Variants in JAZF1 observed in about 807,000 individuals in gnomAD.
JAZF1 encodes JAZF zinc finger 1.
In JAZF1, 8 loss-of-function variants were observed where a neutral mutation model predicts 26.4. The observed-to-expected ratio is 0.30, with a 90% confidence interval of 0.18 to 0.55. The LOEUF (loss-of-function observed/expected upper bound fraction) is 0.55. JAZF1 is among the 20% of genes least tolerant of loss of function. The pLI is 0.94. For missense variants in JAZF1, 199 were observed against 322.0 expected, an observed-to-expected ratio of 0.62 and a Z score of 2.92; for synonymous variants, 126 against 122.3, an observed-to-expected ratio of 1.03 and a Z score of -0.20.
At chr7:27,983,815 G>C (rs993965190) in intron 2 of JAZF1, among the ~76,000 whole-genome samples, 1 of 152,170 alleles carries the variant, frequency 6.6e-6, no homozygotes, top group Non-Finnish European at 1.5e-5. Flanking sequence ...TAAAGAAAAG[G>C]ATTTTCAACC....
intron 1 of JAZF1, among the ~76,000 whole-genome samples, chr7:28,018,272 G>A (rs1782932837): frequency 6.6e-6 from 1 of 152,184 alleles, no homozygotes; most frequent in African/African-American, 2.4e-5. Context: ...CTGGGTGCAT[G>A]GTCACAGAAT....
intron 1 of JAZF1, among the ~76,000 whole-genome samples, chr7:28,020,975 T>A (rs991951877): frequency 6.6e-6 from 1 of 152,186 alleles, no homozygotes; most frequent in African/African-American, 2.4e-5. Flanking sequence ...TTCACAACCA[T>A]ACCCCGGAGC....
intron 1 of JAZF1, among the ~76,000 whole-genome samples, chr7:28,173,653 T>C (rs1425328512): frequency 6.6e-6 from 1 of 152,060 alleles, no homozygotes; most frequent in Non-Finnish European, 1.5e-5. Context: ...GTCACCATTG[T>C]AGTCTGGCAG....
intron 1 of JAZF1, among the ~76,000 whole-genome samples, chr7:28,147,094 C>T (rs1009497342): frequency 6.6e-6 from 1 of 151,986 alleles, no homozygotes; most frequent in Non-Finnish European, 1.5e-5. Flanking sequence ...TGACCTCACA[C>T]CTCGGCCTCC....
At chr7:28,056,121 T>C (rs1263556724) in intron 1 of JAZF1, among the ~76,000 whole-genome samples, 2 of 151,742 alleles carry the variant, frequency 1.3e-5, no homozygotes, top group African/African-American at 4.9e-5. Flanking sequence ...GTGCAGGGGC[T>C]CCATAAATAT....
chr7:27,991,599 C>G (rs1211667139), intron 2 of JAZF1, among the ~76,000 whole-genome samples: 1 of 152,104 alleles, frequency 6.6e-6, no homozygotes, highest in Non-Finnish European at 1.5e-5. Flanking sequence ...AAGGTTCACT[C>G]GAACATAAAT....
chr7:28,042,689 T>C (rs1197659826), intron 1 of JAZF1, among the ~76,000 whole-genome samples: 1 of 152,086 alleles, frequency 6.6e-6, no homozygotes, highest in Admixed American at 6.5e-5. Flanking sequence ...TCCCATAAGG[T>C]TGTAATGCTG....
chr7:27,956,992 T>C (rs536108033), intron 2 of JAZF1, among the ~76,000 whole-genome samples: 7 of 152,218 alleles, frequency 4.6e-5, no homozygotes, highest in Non-Finnish European at 1.0e-4. Context: ...AAATGAAGTG[T>C]GGTACCTCAT....
chr7:27,920,424 A>C (rs374154096), intron 2 of JAZF1, among the ~76,000 whole-genome samples: 1 of 152,216 alleles, frequency 6.6e-6, no homozygotes, highest in South Asian at 2.1e-4. Context: ...TAGGTTTTGC[A>C]CATTCCATAA....
chr7:28,091,280 T>C (rs1260103424), intron 1 of JAZF1, among the ~76,000 whole-genome samples: 1 of 152,086 alleles, frequency 6.6e-6, no homozygotes, highest in Non-Finnish European at 1.5e-5. Flanking sequence ...ATGTCTCAAC[T>C]AGAAGTCCAT....
chr7:28,000,072 A>G (rs1021309433), intron 1 of JAZF1, among the ~76,000 whole-genome samples: 12 of 152,214 alleles, frequency 7.9e-5, no homozygotes, highest in Admixed American at 3.3e-4. Flanking sequence ...GGGAAACCTA[A>G]GAACAGCATA....
In JAZF1 at chr7:28,053,853, C is replaced by T. The variant is rs182569311; in HGVS notation, c.116-61872G>A. On this transcript the variant is annotated intron_variant, in intron 1 of 4. Coordinates refer to ENST00000283928, the MANE Select transcript of JAZF1 (RefSeq NM_175061.4). ...TGCTAGAGGGCCTCACAGGACCCTT[C>T]CATCCTCACCTTTCCCACCCCACCT... is the stretch of plus-strand genomic sequence containing the variant. Among the ~76,000 whole-genome samples the T allele has an allele frequency of 3.9e-5, 6 of 152,258 alleles. No homozygotes were observed. In the East Asian group the frequency reaches 7.7e-4, roughly 20 times the overall value.
Position 27,832,759 on chromosome 7 carries a change from A to C in JAZF1, c.*41T>G. 7.1e-7 allele frequency: 1 copy of C among 1,408,086 alleles called. No homozygotes were observed. The highest frequency in any genetic ancestry group is 9.4e-7 in the Non-Finnish European group (1 of 1,068,364). The allele number at this position is 1,408,086 out of a possible 1,614,324, so 87.2% of individuals were successfully genotyped here. A position where few individuals can be genotyped will look rare whatever the true frequency, so the allele number is the denominator to read the frequency against. ...AAGGTGGCTGTTTTCAAAATCAGCAACTGCTGGTGAGGATTTCTTGGCACA... is the reference window on the plus strand; with the variant it reads ...AAGGTGGCTGTTTTCAAAATCAGCACCTGCTGGTGAGGATTTCTTGGCACA... On this transcript the variant is annotated 3_prime_UTR_variant, in exon 5 of 5. Transcript: ENST00000283928.
In JAZF1 at chr7:27,854,508, A is replaced by G. The variant is rs372957156; in HGVS notation, c.386-13641T>C. On this transcript the variant is annotated intron_variant, in intron 3 of 4. Coordinates refer to ENST00000283928, the MANE Select transcript of JAZF1 (RefSeq NM_175061.4). Reference sequence around the variant, plus strand: ...GTATTTTTTTGCAGTGGCTGGTAATAGTTTTTCCTTCCTGTATTTAGTGCT... The same window carrying G: ...GTATTTTTTTGCAGTGGCTGGTAATGGTTTTTCCTTCCTGTATTTAGTGCT... Among the ~76,000 whole-genome samples, 555 of 152,286 alleles carry G rather than the reference A, an allele frequency of 3.6e-3. 2 individuals are homozygous for G. The highest frequency in any genetic ancestry group is 6.0e-3 in the Non-Finnish European group (406 of 68,032).
At chr7:27,846,737 C>T (rs1783038882) in intron 3 of JAZF1, among the ~76,000 whole-genome samples, 1 of 152,046 alleles carries the variant, frequency 6.6e-6, no homozygotes, top group African/African-American at 2.4e-5. Flanking sequence ...ATCCTGTTGG[C>T]CATTTTTATG....
chr7:28,147,709 T>C (rs1783049581), intron 1 of JAZF1, among the ~76,000 whole-genome samples: 1 of 147,832 alleles, frequency 6.8e-6, no homozygotes, highest in Admixed American at 6.8e-5. Context: ...TATATATACA[T>C]ATATATATAC....
chr7:28,142,950 T>C (rs962989819), intron 1 of JAZF1, among the ~76,000 whole-genome samples: 8 of 152,122 alleles, frequency 5.3e-5, no homozygotes, highest in Non-Finnish European at 1.2e-4. Context: ...AGTATGGGCA[T>C]TGTGTTGGAG....
chr7:28,147,376 G>A (rs1231597118), intron 1 of JAZF1, among the ~76,000 whole-genome samples: 1 of 151,998 alleles, frequency 6.6e-6, no homozygotes, highest in African/African-American at 2.4e-5. Context: ...TATAAAATAT[G>A]TCCTTCATAC....
At chr7:27,945,472 T>C (rs772040322) in intron 2 of JAZF1, among the ~76,000 whole-genome samples, 1 of 152,176 alleles carries the variant, frequency 6.6e-6, no homozygotes, top group Non-Finnish European at 1.5e-5. Context: ...TAAAATCAGA[T>C]CTTTTCAGTT....
Sources: gnomAD v4.1 joint callset for allele counts (sites outside exome capture counted in the v4.1 genomes callset) on GRCh38, gnomAD v4.1.1 for gene constraint, MANE v1.5 for transcripts, NCBI Gene and HGNC (gene_info 2026-07-23, HGNC 2026-07-21) for gene names.